The following EIF3H variants were observed in gnomAD, a reference collection of about 807,000 sequenced individuals.
EIF3H encodes the protein eIF-3-gamma.
Under a neutral mutation model 44.2 loss-of-function variants are expected in EIF3H, and 26 were observed. The observed-to-expected ratio is 0.59, with a 90% CI of 0.43 to 0.82. EIF3H has a LOEUF of 0.82. Ranked by LOEUF, EIF3H falls within the 40% of genes least tolerant of loss-of-function variation. EIF3H has a pLI of 0.00. For missense variants in EIF3H, 359 were observed against 432.8 expected, an observed-to-expected ratio of 0.83 and a Z score of 1.51; for synonymous variants, 166 against 151.9, an observed-to-expected ratio of 1.09 and a Z score of -0.68.
intron 2 of EIF3H, among the ~76,000 whole-genome samples, chr8:116,679,749 C>T (rs1442943165): frequency 3.4e-4 from 3 of 8,730 alleles, no homozygotes; most frequent in African/African-American, 1.3e-3. Flanking sequence ...CCGCCCCGTC[C>T]GGGAGGGAGG....
intron 1 of EIF3H, among the ~76,000 whole-genome samples, chr8:116,744,374 A>G (rs1815196312): frequency 6.6e-6 from 1 of 152,188 alleles, no homozygotes; most frequent in Admixed American, 6.5e-5. Flanking sequence ...GATTAAAAAT[A>G]TATATATTTT....
chr8:116,656,764 C>T (rs1485074323), intron 4 of EIF3H, among the ~76,000 whole-genome samples: 1 of 152,118 alleles, frequency 6.6e-6, no homozygotes, highest in East Asian at 1.9e-4. Context: ...TAATTCTCTG[C>T]ATAACTGTCA....
At chr8:116,750,984 G>A (rs1055467862) in intron 1 of EIF3H, among the ~76,000 whole-genome samples, 2 of 151,260 alleles carry the variant, frequency 1.3e-5, no homozygotes, top group Non-Finnish European at 3.0e-5. Context: ...AGGCCGAGGC[G>A]GGCGGATCAC....
At chr8:116,669,093 T>C (rs1221489971) in intron 2 of EIF3H, among the ~76,000 whole-genome samples, 1 of 152,088 alleles carries the variant, frequency 6.6e-6, no homozygotes, top group Non-Finnish European at 1.5e-5. Context: ...CTAACATTCA[T>C]GTCATGAAAC....
At chr8:116,690,791 C>G (rs1814161683) in intron 2 of EIF3H, among the ~76,000 whole-genome samples, 1 of 152,110 alleles carries the variant, frequency 6.6e-6, no homozygotes, top group Non-Finnish European at 1.5e-5. Flanking sequence ...AGCAAATATT[C>G]AAAGATTATC....
At chr8:116,712,645 C>T (rs1351491700) in intron 2 of EIF3H, among the ~76,000 whole-genome samples, 1 of 152,066 alleles carries the variant, frequency 6.6e-6, no homozygotes, top group Non-Finnish European at 1.5e-5. Context: ...TCTGAAACTG[C>T]TAATAGGTAA....
intron 1 of EIF3H, among the ~76,000 whole-genome samples, chr8:116,745,952 G>C (rs368534664): frequency 6.6e-6 from 1 of 151,786 alleles, no homozygotes; most frequent in Admixed American, 6.6e-5. Context: ...AAGTCAGATG[G>C]ACTTAGAATT....
At chr8:116,707,966 T>A (rs1168189460) in intron 2 of EIF3H, among the ~76,000 whole-genome samples, 1 of 152,162 alleles carries the variant, frequency 6.6e-6, no homozygotes, top group East Asian at 1.9e-4. Context: ...GTTTCCTGAT[T>A]CAGTCAGTCA....
At chr8:116,732,180 T>C (rs1814961062) in intron 1 of EIF3H, among the ~76,000 whole-genome samples, 1 of 151,856 alleles carries the variant, frequency 6.6e-6, no homozygotes. Context: ...CTATACGCCA[T>C]CTCTAATGAA....
chr8:116,738,729 T>G lies in EIF3H; in HGVS notation c.133-12557A>C, dbSNP rs374122227. 4.6e-5 allele frequency among the ~76,000 whole-genome samples: 7 copies of G among 152,332 alleles called. 1 individual carries two copies. The East Asian group carries it at 1.3e-3, about 29-fold the overall frequency. ...AGGGACGGAAGTAATTTTAAACTGT[T>G]AGAACCATACCACCTATCATTTTTA... On this transcript the variant is annotated intron_variant, in intron 1 of 7. Coordinates refer to ENST00000521861, the MANE Select transcript of EIF3H (RefSeq NM_003756.3).
At chr8:116,703,422 T>G (rs1814412859) in intron 2 of EIF3H, among the ~76,000 whole-genome samples, 1 of 152,116 alleles carries the variant, frequency 6.6e-6, no homozygotes, top group Admixed American at 6.5e-5. Context: ...GAAGGCAATG[T>G]CAGGCCTGCC....
At chr8:116,709,830 A>C (rs1814543997) in intron 2 of EIF3H, among the ~76,000 whole-genome samples, 1 of 152,264 alleles carries the variant, frequency 6.6e-6, no homozygotes, top group Non-Finnish European at 1.5e-5. Flanking sequence ...AAATACGAAG[A>C]GATAAATAAG....
chr8:116,673,481 A>G lies in EIF3H; in HGVS notation c.290-14501T>C, dbSNP rs1008537272. On this transcript the variant is annotated intron_variant, in intron 2 of 7. Coordinates refer to ENST00000521861, the MANE Select transcript of EIF3H (RefSeq NM_003756.3). Reference sequence around the variant, plus strand: ...AGGTTTAGTAAAGAAAAAACATCTTACTAACTCCAGTATGATAACCTAAAT... The same window carrying G: ...AGGTTTAGTAAAGAAAAAACATCTTGCTAACTCCAGTATGATAACCTAAAT... Among the ~76,000 whole-genome samples, 3 of 152,186 alleles carry G rather than the reference A, an allele frequency of 2.0e-5. No individual in the cohort carries two copies. The South Asian group carries it at 6.2e-4, about 32-fold the overall frequency.
At chr8:116,719,759 A>G (rs571318370) in intron 2 of EIF3H, among the ~76,000 whole-genome samples, 187 of 149,066 alleles carry the variant, frequency 1.3e-3, no homozygotes, top group Non-Finnish European at 2.5e-3. Flanking sequence ...ACTAAAGAAG[A>G]CTGTTGTCTT....
intron 2 of EIF3H, among the ~76,000 whole-genome samples, chr8:116,663,961 C>T (rs964184144): frequency 2.7e-5 from 4 of 150,016 alleles, no homozygotes; most frequent in East Asian, 3.9e-4. Flanking sequence ...ACAAACTGGT[C>T]GTTACTATTA....
intron 1 of EIF3H, among the ~76,000 whole-genome samples, chr8:116,748,592 A>G (rs1224335558): frequency 6.6e-6 from 1 of 152,240 alleles, no homozygotes; most frequent in Non-Finnish European, 1.5e-5. Context: ...ACAACATCTG[A>G]GTGCCTTCTA....
At position 116,666,753 on chromosome 8, in the gene EIF3H, C is replaced by CAAAAAAAAAAA. The variant is rs56700266; in HGVS notation, c.290-7784_290-7774dup. Among the ~76,000 whole-genome samples, 82 of 71,442 alleles carry CAAAAAAAAAAA rather than the reference C, an allele frequency of 1.1e-3. 13 individuals are homozygous for CAAAAAAAAAAA. The highest frequency in any genetic ancestry group is 5.3e-3 in the African/African-American group (78 of 14,598). 46.9% of individuals were successfully genotyped at this position (71,442 alleles called of 152,430 possible). A position where few individuals can be genotyped will look rare whatever the true frequency, so the allele number is the denominator to read the frequency against. On this transcript the variant is annotated intron_variant, in intron 2 of 7. Transcript: ENST00000521861. ...CCAAATGAGAATCTTTAGTGTTAGG[C>CAAAAAAAAAAA]AAAAAAAAAAAAAAAAAAAAAAATT... is the stretch of plus-strand genomic sequence containing the variant.
intron 6 of EIF3H, 68 bp downstream of exon 6, chr8:116,648,738 T>G: frequency 6.8e-7 from 1 of 1,472,710 alleles, no homozygotes. Context: ...TAGGTCATTT[T>G]GAACATGACT....
At chr8:116,681,014 C>T (rs912874263) in intron 2 of EIF3H, among the ~76,000 whole-genome samples, 1 of 150,934 alleles carries the variant, frequency 6.6e-6, no homozygotes, top group Non-Finnish European at 1.5e-5. Context: ...AAATAATGAT[C>T]GTGATGAGGA....
Sources: allele counts gnomAD v4.1 joint callset (sites outside exome capture counted in the v4.1 genomes callset), GRCh38; gene constraint gnomAD v4.1.1; transcripts MANE v1.5; gene names NCBI Gene and HGNC (gene_info 2026-07-23, HGNC 2026-07-21).